PANK1: variants seen among roughly 807,000 people sequenced by gnomAD.
The protein encoded by PANK1 is pantothenate kinase 1.
PANK1 carries 18 observed loss-of-function variants against 40.1 expected under a neutral mutation model. That is an observed-to-expected ratio of 0.45 (90% CI 0.31 to 0.67). The LOEUF (loss-of-function observed/expected upper bound fraction) is 0.67. Ranked by LOEUF, PANK1 falls within the 30% of genes least tolerant of loss-of-function variation. The pLI, the probability that PANK1 is intolerant of heterozygous loss-of-function variation, is 0.06. For synonymous variants in PANK1, 242 were observed against 237.7 expected, an observed-to-expected ratio of 1.02 and a Z score of -0.17; for missense variants, 457 against 599.6, an observed-to-expected ratio of 0.76 and a Z score of 2.48.
At chr10:89,642,434 A>T (rs907558410) in intron 1 of PANK1, among the ~76,000 whole-genome samples, 8 of 152,238 alleles carry the variant, frequency 5.3e-5, no homozygotes, top group African/African-American at 1.7e-4. Context: ...GGAGGAAATA[A>T]TTATGTGTCT....
Position 89,593,875 on chromosome 10 carries a change from C to T in PANK1, c.1014G>A (p.Val338=), listed in dbSNP as rs564742252. Residue 338 remains valine, a synonymous_variant, in exon 4 of 7, where the codon GTG becomes GTA. Transcript: ENST00000307534. ...KGDSTNVDKL[V]KDIYGGDYER... is the part of the protein sequence containing the mutation. ...CATAGTCTCCTCCGTAAATGTCCTTCACCAGTTTATCAACATTGGTGCTGT... is the reference window on the plus strand; with the variant it reads ...CATAGTCTCCTCCGTAAATGTCCTTTACCAGTTTATCAACATTGGTGCTGT... 4.3e-6 allele frequency: 7 copies of T among 1,613,982 alleles called. No homozygotes were observed. Among genetic ancestry groups the T allele is most frequent in the Admixed American group, 3.3e-5 (2 of 60,022 alleles).
Position 89,644,907 on chromosome 10 carries a change from G to C in PANK1, c.-16C>G. On this transcript the variant is annotated 5_prime_UTR_variant, in exon 1 of 7. Transcript: ENST00000307534. ...GGTCGCCCATGCCGGGGGCTGGCGG[G>C]GCTGTGCGCGGGCCCCGGCTCAGGC... 2 of 1,532,680 alleles carry C rather than the reference G, an allele frequency of 1.3e-6. No individual in the cohort carries two copies. Among genetic ancestry groups the C allele is most frequent in the Non-Finnish European group, 1.7e-6 (2 of 1,144,334 alleles). The allele number at this position is 1,532,680 out of a possible 1,614,324, so 94.9% of individuals were successfully genotyped here. A position where few individuals can be genotyped will look rare whatever the true frequency, so the allele number is the denominator to read the frequency against.
chr10:89,582,800 T>A (rs1182048052), downstream of PANK1: 1 of 152,156 alleles, frequency 6.6e-6, no homozygotes, highest in Non-Finnish European at 1.5e-5. Context: ...AGCTCTATTT[T>A]AAAAATCTAT....
chr10:89,640,430 T>C (rs1343425214), intron 1 of PANK1, among the ~76,000 whole-genome samples: 1 of 151,298 alleles, frequency 6.6e-6, no homozygotes, highest in Non-Finnish European at 1.5e-5. Context: ...CACACACGAT[T>C]ACCCAACAAC....
intron 1 of PANK1, among the ~76,000 whole-genome samples, chr10:89,641,752 T>C (rs1841974735): frequency 8.0e-6 from 1 of 125,168 alleles, no homozygotes; most frequent in African/African-American, 3.5e-5. Flanking sequence ...AATAAATAAA[T>C]AAATAAATAA....
At chr10:89,610,266 TA>T (rs1481874698) in intron 2 of PANK1, among the ~76,000 whole-genome samples, 5 of 152,164 alleles carry the variant, frequency 3.3e-5, no homozygotes, top group Non-Finnish European at 5.9e-5. Context: ...TGATGAAATG[TA>T]GAAACAGGAC....
At chr10:89,644,167 C>T (rs960159391) in intron 1 of PANK1, among the ~76,000 whole-genome samples, 1 of 152,060 alleles carries the variant, frequency 6.6e-6, no homozygotes, top group Non-Finnish European at 1.5e-5. Context: ...GGGCAGGCAA[C>T]CCCAGTAGGA....
intron 1 of PANK1, among the ~76,000 whole-genome samples, chr10:89,637,834 A>G (rs994321850): frequency 3.3e-5 from 5 of 152,190 alleles, no homozygotes; most frequent in African/African-American, 1.2e-4. Flanking sequence ...TTGTAATAAC[A>G]CTTGGCTTAA....
chr10:89,613,902 C>T (rs1564628664), intron 1 of PANK1: 3 of 446,158 alleles, frequency 6.7e-6, no homozygotes, highest in Non-Finnish European at 9.0e-6. Flanking sequence ...AAGCAGCAGA[C>T]AGTAAGTAGC....
chr10:89,641,768 T>TAAATAAATA (rs1554843759), intron 1 of PANK1, among the ~76,000 whole-genome samples: 43 of 100,914 alleles, frequency 4.3e-4, no homozygotes, highest in South Asian at 2.4e-3. Context: ...AATAAATAAA[T>TAAATAAATA]AAATAAAATA....
chr10:89,613,369 C>T (rs892573537), intron 1 of PANK1, among the ~76,000 whole-genome samples: 4 of 152,160 alleles, frequency 2.6e-5, no homozygotes, highest in African/African-American at 9.7e-5. Context: ...GTCCACACTG[C>T]CAGAAACATC....
At chr10:89,631,857 A>G (rs1464659539) in intron 1 of PANK1, among the ~76,000 whole-genome samples, 1 of 152,214 alleles carries the variant, frequency 6.6e-6, no homozygotes, top group Admixed American at 6.5e-5. Flanking sequence ...AACAATTTTA[A>G]TTGTGGTTAG....
intron 1 of PANK1, among the ~76,000 whole-genome samples, chr10:89,633,858 C>T (rs777759543): frequency 3.4e-4 from 51 of 152,144 alleles, no homozygotes; most frequent in Non-Finnish European, 5.9e-4. Flanking sequence ...TCCTTTATGA[C>T]TACCCCAAGA....
chr10:89,629,592 A>C (rs772114215), intron 1 of PANK1, among the ~76,000 whole-genome samples: 3 of 152,196 alleles, frequency 2.0e-5, no homozygotes, highest in Non-Finnish European at 4.4e-5. Context: ...GTGACGTCTT[A>C]TTTGCACTGT....
chr10:89,631,974 G>GTA (rs201457497), intron 1 of PANK1, among the ~76,000 whole-genome samples: 3 of 78,554 alleles, frequency 3.8e-5, no homozygotes, highest in Non-Finnish European at 7.4e-5. Flanking sequence ...GTGTGTGTGT[G>GTA]TGTTTTTTTT....
At chr10:89,606,820 C>T (rs987929563) in intron 2 of PANK1, among the ~76,000 whole-genome samples, 11 of 152,132 alleles carry the variant, frequency 7.2e-5, no homozygotes, top group Non-Finnish European at 1.5e-4. Context: ...CACAGGACCC[C>T]GCCTACCTTT....
At chr10:89,597,377 CCT>C (rs1306374347) in intron 3 of PANK1, among the ~76,000 whole-genome samples, 1 of 152,116 alleles carries the variant, frequency 6.6e-6, no homozygotes, top group Non-Finnish European at 1.5e-5. Flanking sequence ...CGTGGTAGCC[CCT>C]GAAAGGGTTC....
chr10:89,635,524 T>G (rs1382696596), intron 1 of PANK1, among the ~76,000 whole-genome samples: 1 of 152,198 alleles, frequency 6.6e-6, no homozygotes, highest in Non-Finnish European at 1.5e-5. Context: ...CTGGGGATTT[T>G]CAACACGTGC....
chr10:89,644,757 G>A lies in PANK1; in HGVS notation c.135C>T (p.Val45=), dbSNP rs1842065865. 1 of 1,512,288 alleles carries A rather than the reference G, an allele frequency of 6.6e-7. No homozygotes were observed. The highest frequency in any genetic ancestry group is 2.6e-5 in the East Asian group (1 of 37,972). 93.7% of individuals were successfully genotyped at this position (1,512,288 alleles called of 1,614,324 possible). Residue 45 remains valine, a synonymous_variant, in exon 1 of 7, where the codon GTC becomes GTT. Coordinates refer to ENST00000307534, the MANE Select transcript of PANK1 (RefSeq NM_148977.3). The part of the protein sequence containing the change: ...FHPPPVQPPH[V]CSRGPVGGSD... ...TGCCGCCCACTGGACCCCGGCTGCA[G>A]ACGTGCGGCGGCTGGACTGGCGGCG... is the stretch of plus-strand genomic sequence containing the variant.
Sources: allele counts gnomAD v4.1 joint callset (sites outside exome capture counted in the v4.1 genomes callset), GRCh38; gene constraint gnomAD v4.1.1; transcripts MANE v1.5; gene names NCBI Gene and HGNC (gene_info 2026-07-23, HGNC 2026-07-21).